The following EEF2 variants were observed in gnomAD, a reference collection of about 807,000 sequenced individuals.
EEF2 encodes eukaryotic translation elongation factor 2, also known as elongation factor 2.
In EEF2, 21 loss-of-function variants were observed where a neutral mutation model predicts 85.3. The ratio of observed to expected loss-of-function variants is 0.25; its 90% CI spans 0.17 to 0.35. The LOEUF (loss-of-function observed/expected upper bound fraction) is 0.35, where lower values mean the gene tolerates loss of function less well. Among genes scored for constraint, EEF2 ranks in the 10% least tolerant of loss-of-function variants. The pLI is 1.00. For missense variants in EEF2, 825 were observed against 1,225.3 expected, an observed-to-expected ratio of 0.67 and a Z score of 4.88; for synonymous variants, 723 against 508.8, an observed-to-expected ratio of 1.42 and a Z score of -5.67.
At chr19:3,985,085 C>T (rs1264631801) in intron 1 of EEF2, 27 of 379,902 alleles carry the variant, frequency 7.1e-5, no homozygotes, top group Non-Finnish European at 1.2e-4. Context: ...ACCGCGGTGC[C>T]CGCCATTACT....
At position 3,982,349 on chromosome 19, in the gene EEF2, C is replaced by T. The variant is rs778994144; in HGVS notation, c.688G>A (p.Glu230Lys). 1.2e-6 allele frequency: 2 copies of T among 1,614,040 alleles called. No homozygotes were observed. The highest frequency in any genetic ancestry group is 1.7e-6 in the Non-Finnish European group (2 of 1,180,046). ...GWAFTLKQFA[E>K]MYVAKFAAKG... ...GCGGCGAACTTGGCCACATACATCT[C>T]GGCAAACTGCTTCAGGGTGAAGGCC... The change falls in exon 5 of 15, where the codon GAG (glutamate) becomes AAG (lysine). Residue 230 changes from glutamate (E) to lysine (K), a missense_variant. By Grantham distance (56) the Glu-to-Lys change is moderately conservative. Coordinates refer to ENST00000309311, the MANE Select transcript of EEF2 (RefSeq NM_001961.4).
At chr19:3,979,733 C>T (rs2039722157) in intron 10 of EEF2, 75 bp downstream of exon 10, 2 of 1,553,868 alleles carry the variant, frequency 1.3e-6, no homozygotes, top group Non-Finnish European at 1.7e-6. Context: ...CACAGCAACC[C>T]ACACAGCCAC....
chr19:3,977,288 C>G lies in EEF2; in HGVS notation c.2310G>C (p.Val770=), dbSNP rs1599190178. ...YGVLNRKRGH[V]FEESQVAGTP... ...TGCCGGCCACCTGGGACTCCTCGAA[C>G]ACGTGGCCCCGCTTCCTGTTCAAAA... The change falls in exon 14 of 15, where the codon GTG becomes GTC. Residue 770 remains valine (V), a synonymous_variant. Coordinates refer to ENST00000309311, the MANE Select transcript of EEF2 (RefSeq NM_001961.4). The surrounding 1 kb of genome is among the most constrained non-coding windows in gnomAD (Gnocchi z 5.4). The G allele has an allele frequency of 1.2e-6, 2 of 1,609,206 alleles. No homozygotes were observed. Among genetic ancestry groups the G allele is most frequent in the Non-Finnish European group, 1.7e-6 (2 of 1,177,798 alleles).
chr19:3,985,439 G>A lies in EEF2; in HGVS notation c.-59C>T, dbSNP rs560636284. On this transcript the variant is annotated 5_prime_UTR_variant, in exon 1 of 15. Coordinates refer to ENST00000309311, the MANE Select transcript of EEF2 (RefSeq NM_001961.4). ...ACCGAAAGAAGCGAGTCGCGCCGAGGATGGCGGCGACGACGGCGGAAGAGA... is the reference window on the plus strand; with the variant it reads ...ACCGAAAGAAGCGAGTCGCGCCGAGAATGGCGGCGACGACGGCGGAAGAGA... 1,026 of 1,449,490 alleles carry A rather than the reference G, an allele frequency of 7.1e-4. 1 individual carries two copies. Among genetic ancestry groups the A allele is most frequent in the Non-Finnish European group, 8.9e-4 (974 of 1,095,260 alleles). The allele number at this position is 1,449,490 out of a possible 1,614,324, so 89.8% of individuals were successfully genotyped here. A position where few individuals can be genotyped will look rare whatever the true frequency, so the allele number is the denominator to read the frequency against.
chr19:3,978,831 A>AAAAAAAAAAAAG (rs1568199563), intron 11 of EEF2, among the ~76,000 whole-genome samples: 1 of 131,886 alleles, frequency 7.6e-6, no homozygotes, highest in African/African-American at 2.9e-5. Flanking sequence ...AAAAAAAAAA[A>AAAAAAAAAAAAG]TAGCCCTGGG....
rs1317962422 is a variant in EEF2 at position 3,983,411 on chromosome 19, A to G, written c.219-120T>C. 3 of 1,061,394 alleles carry G rather than the reference A, an allele frequency of 2.8e-6. No homozygotes were observed. The African/African-American group carries it at 4.9e-5, about 17-fold the overall frequency. The allele number at this position is 1,061,394 out of a possible 1,614,324, so 65.7% of individuals were successfully genotyped here. On this transcript the variant is annotated intron_variant, in intron 2 of 14. Transcript: ENST00000309311. ...ATGACTCATCCCTGGAGAGGCTCCCACAAGAGCCAACCCACCCTTGTCCTT... is the reference window on the plus strand; with the variant it reads ...ATGACTCATCCCTGGAGAGGCTCCCGCAAGAGCCAACCCACCCTTGTCCTT...
At chr19:3,978,576 C>A (rs1053580767) in intron 11 of EEF2, among the ~76,000 whole-genome samples, 1 of 151,522 alleles carries the variant, frequency 6.6e-6, no homozygotes, top group Non-Finnish European at 1.5e-5. Context: ...GAGGCCGAGG[C>A]GGGTGGATCA....
Position 3,980,842 on chromosome 19 carries a change from C to G in EEF2, c.1149G>C (p.Met383Ile), listed in dbSNP as rs1157517061. The G allele has an allele frequency of 5.7e-6, 9 of 1,570,554 alleles. No homozygotes were observed. Among genetic ancestry groups the G allele is most frequent in the Non-Finnish European group, 7.8e-6 (9 of 1,159,334 alleles). The change falls in exon 8 of 15, where the codon ATG becomes ATC. Residue 383 changes from methionine to isoleucine, a missense_variant and splice_region_variant. Met to Ile is a conservative substitution (Grantham distance 10). Transcript: ENST00000309311. ...GGCCCGGCCACCGGGACCACGTACC[C>G]ATGGCAGCCTCGTCGTCCGGGGGCC... is the stretch of plus-strand genomic sequence containing the variant. ...YEGPPDDEAA[M>I]GIKSCDPKGP...
chr19:3,982,874 A>G lies in EEF2; in HGVS notation c.545T>C (p.Val182Ala), dbSNP rs1339774480. The G allele has an allele frequency of 6.2e-7, 1 of 1,613,576 alleles. No homozygotes were observed. The highest frequency in any genetic ancestry group is 8.5e-7 in the Non-Finnish European group (1 of 1,179,992). Reference protein sequence around the residue: ...EELYQTFQRIVENVNVIISTY... With the variant: ...EELYQTFQRIAENVNVIISTY... ...GGAGATGATGACGTTCACGTTCTCC[A>G]CGATGCGCTGGAAAGTCTGGTAGAG... is the stretch of plus-strand genomic sequence containing the variant. Residue 182 changes from valine (V) to alanine (A), a missense_variant, in exon 4 of 15, where the codon GTG becomes GCG. By Grantham distance (64) the Val-to-Ala change is moderately conservative. Coordinates refer to ENST00000309311, the MANE Select transcript of EEF2 (RefSeq NM_001961.4).
At position 3,982,110 on chromosome 19, in the gene EEF2, G is replaced by A; in HGVS notation, c.792-58C>T. 2.5e-6 allele frequency: 4 copies of A among 1,600,268 alleles called. No homozygotes were observed. In the East Asian group the frequency reaches 6.7e-5, roughly 27 times the overall value. The stretch of plus-strand genomic sequence containing the variant: ...GGGTCTCCAGGGGATGACTTGGGGA[G>A]GGTGGTCGCCAAGGGGACATGCTTG... On this transcript the variant is annotated intron_variant, in intron 5 of 14. Transcript: ENST00000309311.
At position 3,977,147 on chromosome 19, in the gene EEF2, C is replaced by A; in HGVS notation, c.2383+68G>T. 6.3e-7 allele frequency: 1 copy of A among 1,579,380 alleles called. No homozygotes were observed. The highest frequency in any genetic ancestry group is 1.2e-5 in the South Asian group (1 of 86,602). On this transcript the variant is annotated intron_variant, in intron 14 of 14. Coordinates refer to ENST00000309311, the MANE Select transcript of EEF2 (RefSeq NM_001961.4). This position sits in a 1 kb window ranked among gnomAD's most constrained non-coding sequence, Gnocchi z 5.4. ...ACGCCTCCTTTAACACCTTGCTAAGCTTAACTGGGCTTCTGTCCCCCAAAC... is the reference window on the plus strand; with the variant it reads ...ACGCCTCCTTTAACACCTTGCTAAGATTAACTGGGCTTCTGTCCCCCAAAC...
intron 4 of EEF2, 37 bp from the exon 5 acceptor site, chr19:3,982,461 C>T (rs768998324): frequency 5.0e-6 from 8 of 1,613,248 alleles, no homozygotes; most frequent in Non-Finnish European, 6.8e-6. Context: ...CCGTGAGGGC[C>T]CCTGCGCAGA....
In EEF2 at chr19:3,976,549, G is replaced by A. The variant is rs748709884; in HGVS notation, c.*5C>T. The A allele has an allele frequency of 6.2e-7, 1 of 1,600,848 alleles. No homozygotes were observed. Among genetic ancestry groups the A allele is most frequent in the South Asian group, 1.1e-5 (1 of 89,016 alleles). On this transcript the variant is annotated 3_prime_UTR_variant, in exon 15 of 15. Coordinates refer to ENST00000309311, the MANE Select transcript of EEF2 (RefSeq NM_001961.4). Reference sequence around the variant, plus strand: ...CGGGGCGGCAGGCGCTGCAGGAAGGGCCGCCTACAATTTGTCCAGGAAGTT... The same window carrying A: ...CGGGGCGGCAGGCGCTGCAGGAAGGACCGCCTACAATTTGTCCAGGAAGTT...
chr19:3,983,932 GA>G, intron 2 of EEF2: 1 of 608,318 alleles, frequency 1.6e-6, no homozygotes, highest in Non-Finnish European at 2.9e-6. Context: ...CCCTCCTCAA[GA>G]AAACCTTCCA....
In EEF2 at chr19:3,977,095, C is replaced by T; in HGVS notation, c.2383+120G>A. ...AAGCTGTCAGAAACTGGACCACCTG[C>T]TCCATCCATCACCTGCTCCCATCAG... On this transcript the variant is annotated intron_variant, in intron 14 of 14. Coordinates refer to ENST00000309311, the MANE Select transcript of EEF2 (RefSeq NM_001961.4). This position sits in a 1 kb window ranked among gnomAD's most constrained non-coding sequence, Gnocchi z 5.4. 1 of 1,408,894 alleles carries T rather than the reference C, an allele frequency of 7.1e-7. No individual in the cohort carries two copies. 87.3% of individuals were successfully genotyped at this position (1,408,894 alleles called of 1,614,324 possible).
At position 3,982,148 on chromosome 19, in the gene EEF2, T is replaced by C. The variant is rs998150162; in HGVS notation, c.792-96A>G. 2.5e-6 allele frequency: 4 copies of C among 1,597,050 alleles called. No homozygotes were observed. The African/African-American group carries it at 5.4e-5, about 21-fold the overall frequency. ...GGGGACATGCTTGGGCAAGACCTGG[T>C]GGGCTTGAGCCACGCTGTGAATAGC... On this transcript the variant is annotated intron_variant, in intron 5 of 14. Coordinates refer to ENST00000309311, the MANE Select transcript of EEF2 (RefSeq NM_001961.4).
chr19:3,984,498 A>AAC (rs2039794849), intron 1 of EEF2, 148 bp from the exon 2 acceptor site: 1 of 776,926 alleles, frequency 1.3e-6, no homozygotes. Flanking sequence ...TTGCCAGCCT[A>AAC]ACACCCCTTA....
chr19:3,983,843 G>C (rs1568202932), intron 2 of EEF2: 1 of 468,646 alleles, frequency 2.1e-6, no homozygotes. Flanking sequence ...TCCCCTCCCA[G>C]GTGTGACAGC....
chr19:3,983,044 G>A (rs45560133), intron 3 of EEF2, 26 bp from the exon 4 acceptor site: 783 of 1,611,572 alleles, frequency 4.9e-4, no homozygotes, highest in Non-Finnish European at 6.4e-4. Flanking sequence ...ACAGGGCGGC[G>A]CTGTCATCCT....
Sources: allele counts gnomAD v4.1 joint callset (sites outside exome capture counted in the v4.1 genomes callset), GRCh38; gene constraint gnomAD v4.1.1; non-coding constraint Gnocchi (gnomAD v3.1); transcripts MANE v1.5; gene names NCBI Gene and HGNC (gene_info 2026-07-23, HGNC 2026-07-21).